Variants in FHIT observed in about 807,000 individuals in gnomAD.
The protein encoded by FHIT is fragile histidine triad diadenosine triphosphatase.
A neutral mutation model predicts 17.9 loss-of-function variants in FHIT; 19 were observed. The observed-to-expected ratio is 1.06, with a 90% CI of 0.74 to 1.56. FHIT has a LOEUF of 1.56. Ranked by LOEUF, FHIT falls within the 40% of genes most tolerant of loss-of-function variation. The probability of loss-of-function intolerance (pLI) is 0.00; values close to 1 mark genes in which losing one functional copy is unlikely to be tolerated. For missense variants in FHIT, 248 were observed against 189.2 expected, an observed-to-expected ratio of 1.31 and a Z score of -1.82; for synonymous variants, 81 against 69.7, an observed-to-expected ratio of 1.16 and a Z score of -0.81.
At chr3:59,750,606 G>A (rs1170796530) in intron 9 of FHIT, 1 of 224,374 alleles carries the variant, frequency 4.5e-6, no homozygotes, top group East Asian at 6.4e-5. Context: ...GCAACTGAGT[G>A]CAGAGCTGAC....
At chr3:60,534,436 T>C (rs2035904459) in intron 5 of FHIT, among the ~76,000 whole-genome samples, 1 of 8,698 alleles carries the variant, frequency 1.1e-4, no homozygotes, top group African/African-American at 5.2e-4. Context: ...CGAGACTCCG[T>C]CTCAAAAAAA....
intron 5 of FHIT, among the ~76,000 whole-genome samples, chr3:60,270,273 A>G (rs1349182326): frequency 2.0e-5 from 3 of 152,154 alleles, no homozygotes; most frequent in African/African-American, 7.2e-5. Flanking sequence ...TGCCTCCCCC[A>G]GTGAGGCTTT....
At chr3:59,763,251 G>A (rs1559582836) in intron 8 of FHIT, among the ~76,000 whole-genome samples, 1 of 152,174 alleles carries the variant, frequency 6.6e-6, no homozygotes, top group Non-Finnish European at 1.5e-5. Context: ...AGAGTCTTCG[G>A]AAGCACAGTG....
chr3:60,578,446 C>T (rs2037644474), intron 4 of FHIT, among the ~76,000 whole-genome samples: 1 of 147,150 alleles, frequency 6.8e-6, no homozygotes, highest in East Asian at 2.0e-4. Flanking sequence ...ACAAAACACA[C>T]ACACACACAC....
intron 7 of FHIT, among the ~76,000 whole-genome samples, chr3:59,983,024 C>T: frequency 6.6e-6 from 1 of 152,000 alleles, no homozygotes; most frequent in Non-Finnish European, 1.5e-5. Context: ...CTGCAACCCC[C>T]ACCTCCCTGG....
chr3:59,878,400 C>T (rs1703258097), intron 8 of FHIT, among the ~76,000 whole-genome samples: 1 of 152,152 alleles, frequency 6.6e-6, no homozygotes, highest in African/African-American at 2.4e-5. Context: ...CCAGTCTTAC[C>T]TGAGTTTCAA....
chr3:60,416,334 T>G (rs796786826), intron 5 of FHIT, among the ~76,000 whole-genome samples: 2 of 152,312 alleles, frequency 1.3e-5, no homozygotes, highest in African/African-American at 4.8e-5. Flanking sequence ...AAAATTGTTT[T>G]AAATGCTGTG....
chr3:60,544,659 C>G (rs936982308), intron 4 of FHIT, among the ~76,000 whole-genome samples: 2 of 147,098 alleles, frequency 1.4e-5, no homozygotes, highest in Admixed American at 6.9e-5. Flanking sequence ...CACAGTGGCA[C>G]GATCTGGGCT....
At chr3:60,027,055 C>T (rs535091938) in intron 5 of FHIT, among the ~76,000 whole-genome samples, 12 of 151,156 alleles carry the variant, frequency 7.9e-5, no homozygotes, top group Middle Eastern at 3.5e-3. Context: ...GCCAAGATAA[C>T]GCCACTGCAC....
At chr3:60,962,851 T>C (rs1281649813) in intron 3 of FHIT, among the ~76,000 whole-genome samples, 1 of 152,204 alleles carries the variant, frequency 6.6e-6, no homozygotes, top group Admixed American at 6.5e-5. Context: ...TTGAGGATTT[T>C]TGCATCGATG....
chr3:61,151,918 C>A (rs934681164), intron 2 of FHIT, among the ~76,000 whole-genome samples: 2 of 152,108 alleles, frequency 1.3e-5, no homozygotes, highest in Non-Finnish European at 2.9e-5. Flanking sequence ...TCACTCATAT[C>A]AAGTAGATAT....
chr3:61,243,292 A>G (rs183810502), intron 1 of FHIT, among the ~76,000 whole-genome samples: 36 of 152,320 alleles, frequency 2.4e-4, no homozygotes, highest in East Asian at 2.1e-3. Context: ...CTCTGTATGC[A>G]TATGTAATAA....
intron 5 of FHIT, among the ~76,000 whole-genome samples, chr3:60,247,613 G>A (rs777141037): frequency 1.3e-5 from 2 of 152,082 alleles, no homozygotes; most frequent in Admixed American, 6.6e-5. Context: ...TATACGCCCA[G>A]CCTCTGGCTC....
intron 3 of FHIT, among the ~76,000 whole-genome samples, chr3:61,035,401 A>T (rs1340567524): frequency 1.3e-5 from 2 of 152,142 alleles, no homozygotes; most frequent in African/African-American, 2.4e-5. Flanking sequence ...TCTAGTCCTC[A>T]CTTCTCCTCC....
chr3:59,932,197 T>C (rs1407428355), intron 7 of FHIT, among the ~76,000 whole-genome samples: 1 of 152,140 alleles, frequency 6.6e-6, no homozygotes, highest in East Asian at 1.9e-4. Context: ...CCTGAGTAGC[T>C]CATCATCATC....
chr3:59,762,811 A>T (rs566143640), intron 8 of FHIT, among the ~76,000 whole-genome samples: 11 of 152,336 alleles, frequency 7.2e-5, no homozygotes, highest in East Asian at 1.9e-4. Flanking sequence ...AGGCGCCATC[A>T]TATCTGAACC....
intron 3 of FHIT, among the ~76,000 whole-genome samples, chr3:60,912,599 G>A (rs6793737): frequency 0.7 from 105,658 of 151,956 alleles, 37,100 homozygotes; most frequent in East Asian, 0.93. Flanking sequence ...ACAGGATATA[G>A]ATTTATAAAG....
intron 7 of FHIT, among the ~76,000 whole-genome samples, chr3:59,940,002 C>T (rs560629734): frequency 4.6e-5 from 7 of 152,260 alleles, no homozygotes; most frequent in Admixed American, 6.5e-5. Flanking sequence ...CCTTAGGTCA[C>T]GGGATGACAA....
intron 3 of FHIT, among the ~76,000 whole-genome samples, chr3:60,830,312 T>C (rs1702286840): frequency 6.6e-6 from 1 of 152,158 alleles, no homozygotes; most frequent in African/African-American, 2.4e-5. Flanking sequence ...TTCTGTAGTC[T>C]CCAGGTTCAG....
Sources: gnomAD v4.1 joint callset for allele counts (sites outside exome capture counted in the v4.1 genomes callset) on GRCh38, gnomAD v4.1.1 for gene constraint, MANE v1.5 for transcripts, NCBI Gene and HGNC (gene_info 2026-07-23, HGNC 2026-07-21) for gene names.